The following DENND5A variants were observed in gnomAD, a reference collection of about 807,000 sequenced individuals.
DENND5A encodes DENN domain containing 5A, also known as DENN domain-containing protein 5A.
DENND5A carries 64 observed loss-of-function variants against 140.3 expected under a neutral mutation model. The observed-to-expected ratio is 0.46, with a 90% confidence interval of 0.37 to 0.56. The LOEUF is 0.56. Ranked by LOEUF, DENND5A falls within the 20% of genes least tolerant of loss-of-function variation. The pLI is 0.00. For missense variants in DENND5A, 1,292 were observed against 1,593.8 expected (o/e 0.81, Z 3.22); for synonymous variants, 605 against 607.7 (o/e 1.00, Z 0.07).
At chr11:9,241,420 A>C (rs1312772123) in intron 1 of DENND5A, among the ~76,000 whole-genome samples, 1 of 152,088 alleles carries the variant, frequency 6.6e-6, no homozygotes, top group Non-Finnish European at 1.5e-5. Flanking sequence ...TGGTCCAGAG[A>C]CCAGACAACG....
intron 1 of DENND5A, among the ~76,000 whole-genome samples, chr11:9,224,817 C>T (rs1355727036): frequency 6.7e-6 from 1 of 148,838 alleles, no homozygotes; most frequent in Non-Finnish European, 1.5e-5. Context: ...AAGATCGCGC[C>T]ACTGCACTCC....
chr11:9,263,151 A>G (rs1309959535), intron 1 of DENND5A, among the ~76,000 whole-genome samples: 1 of 152,138 alleles, frequency 6.6e-6, no homozygotes, highest in Non-Finnish European at 1.5e-5. Context: ...TATTGAGGAA[A>G]TAGCTCATTT....
At chr11:9,153,009 A>G (rs1277022240) in intron 12 of DENND5A, among the ~76,000 whole-genome samples, 8 of 148,724 alleles carry the variant, frequency 5.4e-5, no homozygotes, top group Non-Finnish European at 8.9e-5. Context: ...AAAAAAAAAA[A>G]ACAAAAAAGA....
chr11:9,165,723 CA>C lies in DENND5A; in HGVS notation c.2283+112del, dbSNP rs1166310201. ...TGTTGGGATTACAGGCATGAGCCAT[CA>C]CGCCCAGCCAACAGTATTTTTAAAA... On this transcript the variant is annotated intron_variant, in intron 11 of 22. Coordinates refer to ENST00000328194, the MANE Select transcript of DENND5A (RefSeq NM_015213.4). 2.3e-6 allele frequency: 3 copies of C among 1,307,076 alleles called. No homozygotes were observed. The African/African-American group carries it at 4.4e-5, about 19-fold the overall frequency. 81.0% of individuals were successfully genotyped at this position (1,307,076 alleles called of 1,614,324 possible).
chr11:9,173,260 A>C (rs1037393406), intron 8 of DENND5A, among the ~76,000 whole-genome samples: 1 of 152,234 alleles, frequency 6.6e-6, no homozygotes, highest in African/African-American at 2.4e-5. Context: ...AGAAATGTTA[A>C]AGGAAGTCCT....
chr11:9,256,107 A>C (rs571705953), intron 1 of DENND5A, among the ~76,000 whole-genome samples: 2 of 152,302 alleles, frequency 1.3e-5, no homozygotes, highest in African/African-American at 4.8e-5. Flanking sequence ...AGAAATGAAA[A>C]CATAGGCCTA....
chr11:9,255,541 G>A (rs1851909026), intron 1 of DENND5A, among the ~76,000 whole-genome samples: 1 of 151,616 alleles, frequency 6.6e-6, no homozygotes, highest in African/African-American at 2.4e-5. Flanking sequence ...AGACCAGCCT[G>A]GCCAACATGG....
intron 6 of DENND5A, 139 bp downstream of exon 6, chr11:9,180,627 TC>T (rs1848695042): frequency 5.2e-6 from 4 of 767,486 alleles, no homozygotes; most frequent in South Asian, 3.8e-5. Context: ...GAATTCAGAG[TC>T]CCCCATACAG....
At chr11:9,155,536 T>C (rs2173406) in intron 12 of DENND5A, among the ~76,000 whole-genome samples, 32,645 of 152,158 alleles carry the variant, frequency 0.21, 3,673 homozygotes, top group African/African-American at 0.24. Context: ...TTGGTCTTTC[T>C]AGTTCAAGAG....
At chr11:9,229,687 G>GGAAGAAGGAATGCTGCACAGAGTCCAA (rs1366602588) in intron 1 of DENND5A, among the ~76,000 whole-genome samples, 2 of 152,000 alleles carry the variant, frequency 1.3e-5, no homozygotes, top group African/African-American at 4.8e-5. Flanking sequence ...CCTATACCCA[G>GGAAGAAGGAATGCTGCACAGAGTCCAA]GAAGAAGGAA....
At position 9,139,384 on chromosome 11, in the gene DENND5A, G is replaced by A. The variant is rs1332910466; in HGVS notation, c.*287C>T. 2.4e-6 allele frequency: 1 copy of A among 411,446 alleles called. No individual in the cohort carries two copies. The highest frequency in any genetic ancestry group is 2.0e-5 in the African/African-American group (1 of 50,050). The allele number at this position is 411,446 out of a possible 1,614,324, so 25.5% of individuals were successfully genotyped here. A position where few individuals can be genotyped will look rare whatever the true frequency, so the allele number is the denominator to read the frequency against. On this transcript the variant is annotated 3_prime_UTR_variant, in exon 23 of 23. Coordinates refer to ENST00000328194, the MANE Select transcript of DENND5A (RefSeq NM_015213.4). ...ACAGGCTCAGTCCAGGGAGGCCTCA[G>A]GCTTCCAGCATGTGGCCACGGCGAG... is the stretch of plus-strand genomic sequence containing the variant.
chr11:9,156,326 C>T (rs1847800568), intron 12 of DENND5A, among the ~76,000 whole-genome samples: 1 of 152,154 alleles, frequency 6.6e-6, no homozygotes, highest in Admixed American at 6.5e-5. Flanking sequence ...AAAATGGAAC[C>T]TCAACTAAAA....
chr11:9,166,079 T>A lies in DENND5A; in HGVS notation c.2152-112A>T, dbSNP rs530266870. The A allele has an allele frequency of 2.3e-4, 237 of 1,045,450 alleles. No homozygotes were observed. In the African/African-American group the frequency reaches 3.6e-3, roughly 16 times the overall value. 64.8% of individuals were successfully genotyped at this position (1,045,450 alleles called of 1,614,324 possible). On this transcript the variant is annotated intron_variant, in intron 10 of 22. Transcript: ENST00000328194. Reference sequence around the variant, plus strand: ...TTATTTTCTCACATTTTCTTTTTTTTTCTTTTTCTTTTTTTTTTTGAGACG... The same window carrying A: ...TTATTTTCTCACATTTTCTTTTTTTATCTTTTTCTTTTTTTTTTTGAGACG...
At chr11:9,173,057 C>T (rs571411548) in intron 8 of DENND5A, among the ~76,000 whole-genome samples, 8 of 151,950 alleles carry the variant, frequency 5.3e-5, no homozygotes, top group Non-Finnish European at 1.2e-4. Flanking sequence ...AACTCCTGAC[C>T]TCAAGTGTTC....
chr11:9,213,802 G>C (rs1267688237), intron 1 of DENND5A, among the ~76,000 whole-genome samples: 11 of 230 alleles, frequency 0.048, no homozygotes, highest in African/African-American at 0.16. Flanking sequence ...GCGAGACTCC[G>C]TCTCCCAAAA....
At chr11:9,146,559 G>A (rs1270699136) in intron 16 of DENND5A, among the ~76,000 whole-genome samples, 1 of 152,206 alleles carries the variant, frequency 6.6e-6, no homozygotes, top group East Asian at 1.9e-4. Flanking sequence ...CCAAAGCTGA[G>A]CCCAGAATGA....
intron 1 of DENND5A, among the ~76,000 whole-genome samples, chr11:9,240,714 C>A (rs10840193): frequency 0.61 from 91,043 of 148,304 alleles, 28,366 homozygotes; most frequent in African/African-American, 0.71. Flanking sequence ...TGTCTCAAAA[C>A]AAAAAAAAAG....
Position 9,265,328 on chromosome 11 carries a change from C to A in DENND5A, c.-259G>T. 4.0e-6 allele frequency: 1 copy of A among 247,650 alleles called. No homozygotes were observed. The highest frequency in any genetic ancestry group is 7.7e-6 in the Non-Finnish European group (1 of 129,236). The allele number at this position is 247,650 out of a possible 1,614,324, so 15.3% of individuals were successfully genotyped here. ...CCGCTGCAGCTAGCCGAGAGCGCCG[C>A]GGCCCGAGCGAGCCTGGAGAAGGGC... On this transcript the variant is annotated 5_prime_UTR_variant, in exon 1 of 23. Coordinates refer to ENST00000328194, the MANE Select transcript of DENND5A (RefSeq NM_015213.4). This position sits in a 1 kb window ranked among gnomAD's most constrained non-coding sequence, Gnocchi z 4.7.
intron 11 of DENND5A, among the ~76,000 whole-genome samples, chr11:9,161,567 A>C (rs963908597): frequency 2.0e-5 from 3 of 152,246 alleles, no homozygotes; most frequent in Non-Finnish European, 4.4e-5. Flanking sequence ...AACATATCTG[A>C]AATAACTGTC....
Sources: allele counts gnomAD v4.1 joint callset (sites outside exome capture counted in the v4.1 genomes callset), GRCh38; gene constraint gnomAD v4.1.1; non-coding constraint Gnocchi (gnomAD v3.1); transcripts MANE v1.5; gene names NCBI Gene and HGNC (gene_info 2026-07-23, HGNC 2026-07-21).